CTNND2: variants seen among roughly 807,000 people sequenced by gnomAD.
CTNND2 encodes the protein catenin delta 2, also known as catenin delta-2.
In CTNND2, 22 loss-of-function variants were observed where a neutral mutation model predicts 144.4. The observed-to-expected ratio is 0.15, with a 90% CI of 0.11 to 0.22. The LOEUF (loss-of-function observed/expected upper bound fraction) is 0.22. CTNND2 is among the 10% of genes least tolerant of loss of function. The pLI, the probability that CTNND2 is intolerant of heterozygous loss-of-function variation, is 1.00. For synonymous variants in CTNND2, 751 were observed against 695.6 expected (o/e 1.08, Z -1.25); for missense variants, 1,353 against 1,618.8 (o/e 0.84, Z 2.82).
chr5:11,663,105 T>C (rs1783363536), intron 2 of CTNND2, among the ~76,000 whole-genome samples: 1 of 152,160 alleles, frequency 6.6e-6, no homozygotes, highest in South Asian at 2.1e-4. Flanking sequence ...TCTAAGGAAA[T>C]GCAAGACTCC....
At chr5:11,409,843 C>A (rs1427132478) in intron 5 of CTNND2, among the ~76,000 whole-genome samples, 1 of 151,996 alleles carries the variant, frequency 6.6e-6, no homozygotes, top group Non-Finnish European at 1.5e-5. Flanking sequence ...CAAATTTGAA[C>A]TTTTATTCTT....
chr5:11,623,890 G>A (rs947068061), intron 2 of CTNND2, among the ~76,000 whole-genome samples: 3 of 132,044 alleles, frequency 2.3e-5, no homozygotes, highest in Non-Finnish European at 3.1e-5. Context: ...ATAAAAGCAA[G>A]TTCTTAGAGG....
chr5:11,311,808 A>C (rs1750915115), intron 9 of CTNND2, among the ~76,000 whole-genome samples: 2 of 100,668 alleles, frequency 2.0e-5, no homozygotes, highest in Admixed American at 9.4e-5. Flanking sequence ...CACACTCCCC[A>C]TACACCCTCA....
At chr5:11,312,616 AT>A (rs1751098485) in intron 9 of CTNND2, among the ~76,000 whole-genome samples, 1 of 143,404 alleles carries the variant, frequency 7.0e-6, no homozygotes, top group Non-Finnish European at 1.6e-5. Context: ...TCAAGCTGAG[AT>A]TTGGGTGGGG....
chr5:11,147,694 G>A (rs1041991526), intron 12 of CTNND2, among the ~76,000 whole-genome samples: 11 of 145,918 alleles, frequency 7.5e-5, no homozygotes, highest in Non-Finnish European at 7.5e-5. Flanking sequence ...AGAATGAGGC[G>A]ACAACATGAA....
At chr5:11,825,328 GTACCTTATC>G (rs1233748054) in intron 1 of CTNND2, among the ~76,000 whole-genome samples, 2 of 152,068 alleles carry the variant, frequency 1.3e-5, no homozygotes, top group African/African-American at 4.8e-5. Flanking sequence ...GAGCTGAAAA[GTACCTTATC>G]AGCCTTATCA....
At chr5:11,464,315 C>T (rs1322491152) in intron 3 of CTNND2, among the ~76,000 whole-genome samples, 1 of 152,134 alleles carries the variant, frequency 6.6e-6, no homozygotes, top group East Asian at 1.9e-4. Context: ...TTCAGCTCTG[C>T]ATAAAGTACT....
intron 3 of CTNND2, among the ~76,000 whole-genome samples, chr5:11,485,385 G>A (rs918036035): frequency 1.9e-4 from 28 of 149,980 alleles, no homozygotes; most frequent in Middle Eastern, 3.5e-3. Context: ...GCGCGCGCGC[G>A]CGTGCGCGCG....
intron 3 of CTNND2, among the ~76,000 whole-genome samples, chr5:11,424,403 G>C (rs1044157120): frequency 6.6e-6 from 1 of 152,148 alleles, no homozygotes; most frequent in East Asian, 1.9e-4. Flanking sequence ...AATCTTGATT[G>C]TGGCATGGTT....
At chr5:11,095,581 G>A (rs2149661162) in intron 15 of CTNND2, among the ~76,000 whole-genome samples, 1 of 152,374 alleles carries the variant, frequency 6.6e-6, no homozygotes, top group Middle Eastern at 3.4e-3. Context: ...CACAGGGGTA[G>A]TCAGTGGGAC....
chr5:11,741,825 A>G (rs1029628801), intron 1 of CTNND2, among the ~76,000 whole-genome samples: 1 of 148,394 alleles, frequency 6.7e-6, no homozygotes, highest in Non-Finnish European at 1.5e-5. Context: ...ATATGTATAT[A>G]TAGTAGTATT....
intron 3 of CTNND2, among the ~76,000 whole-genome samples, chr5:11,496,567 A>T (rs1306486514): frequency 6.6e-6 from 1 of 152,112 alleles, no homozygotes; most frequent in Non-Finnish European, 1.5e-5. Flanking sequence ...CTAAGGTAGG[A>T]GTGTGTATGA....
chr5:11,396,387 T>A (rs1051942840), intron 6 of CTNND2, among the ~76,000 whole-genome samples: 55 of 152,090 alleles, frequency 3.6e-4, no homozygotes, highest in Admixed American at 2.8e-3. Context: ...AAAAAAAAAA[T>A]TTCCAGATTG....
chr5:11,851,371 A>C (rs1483822522), intron 1 of CTNND2, among the ~76,000 whole-genome samples: 1 of 151,982 alleles, frequency 6.6e-6, no homozygotes, highest in Non-Finnish European at 1.5e-5. Context: ...CTTGGCTGAA[A>C]CTCTACCTTT....
At chr5:11,367,696 C>T (rs1757109115) in intron 7 of CTNND2, among the ~76,000 whole-genome samples, 1 of 152,110 alleles carries the variant, frequency 6.6e-6, no homozygotes, top group Non-Finnish European at 1.5e-5. Flanking sequence ...GATGTCAAGG[C>T]CAAATGTTCT....
At chr5:11,470,386 T>C (rs530252126) in intron 3 of CTNND2, among the ~76,000 whole-genome samples, 3 of 152,168 alleles carry the variant, frequency 2.0e-5, no homozygotes, top group Non-Finnish European at 4.4e-5. Context: ...TGAGCCGAGA[T>C]TGTGCCATTG....
chr5:11,511,070 C>T (rs1771595291), intron 3 of CTNND2, among the ~76,000 whole-genome samples: 1 of 152,166 alleles, frequency 6.6e-6, no homozygotes, highest in Non-Finnish European at 1.5e-5. Flanking sequence ...AGTATGCTAA[C>T]TGTATGCTAA....
intron 3 of CTNND2, among the ~76,000 whole-genome samples, chr5:11,456,187 G>A (rs1048242791): frequency 1.3e-5 from 2 of 152,120 alleles, no homozygotes; most frequent in African/African-American, 4.8e-5. Context: ...GCAATAGATT[G>A]TTATGGGTTC....
intron 1 of CTNND2, among the ~76,000 whole-genome samples, chr5:11,771,167 C>T (rs908777423): frequency 6.7e-6 from 1 of 148,778 alleles, no homozygotes; most frequent in Non-Finnish European, 1.5e-5. Flanking sequence ...CTGGAAATAG[C>T]TCTATCATGA....
Sources: gnomAD v4.1 joint callset for allele counts (sites outside exome capture counted in the v4.1 genomes callset) on GRCh38, gnomAD v4.1.1 for gene constraint, MANE v1.5 for transcripts, NCBI Gene and HGNC (gene_info 2026-07-23, HGNC 2026-07-21) for gene names.